PCDH15: variants seen among roughly 807,000 people sequenced by gnomAD.
The protein encoded by PCDH15 is protocadherin-15.
In PCDH15, 129 loss-of-function variants were observed where a neutral mutation model predicts 178.5. The observed-to-expected ratio is 0.72, with a 90% CI of 0.63 to 0.84. The LOEUF is 0.84. Ranked by LOEUF, PCDH15 falls within the 40% of genes least tolerant of loss-of-function variation. The pLI is 0.00. For missense variants in PCDH15, 2,230 were observed against 2,099.9 expected, an observed-to-expected ratio of 1.06 and a Z score of -1.21; for synonymous variants, 800 against 732.0, an observed-to-expected ratio of 1.09 and a Z score of -1.50.
chr10:55,587,800 G>A (rs932416683), intron 2 of PCDH15, among the ~76,000 whole-genome samples: 16 of 152,084 alleles, frequency 1.1e-4, no homozygotes, highest in African/African-American at 3.6e-4. Context: ...CTTGTTAAGA[G>A]GTCGTTTGTT....
chr10:55,615,946 T>C (rs2132164923), intron 2 of PCDH15, among the ~76,000 whole-genome samples: 1 of 152,106 alleles, frequency 6.6e-6, no homozygotes, highest in East Asian at 1.9e-4. Flanking sequence ...ATAAAGATGT[T>C]TCTGAAAGTT....
intron 2 of PCDH15, among the ~76,000 whole-genome samples, chr10:55,094,406 G>C (rs777591566): frequency 1.3e-5 from 2 of 152,116 alleles, no homozygotes; most frequent in African/African-American, 4.8e-5. Flanking sequence ...TAGGGGGATG[G>C]GGGAGGGATA....
intron 9 of PCDH15, among the ~76,000 whole-genome samples, chr10:54,235,867 A>G (rs2054579026): frequency 6.6e-6 from 1 of 152,206 alleles, no homozygotes; most frequent in South Asian, 2.1e-4. Context: ...AGTTTTTTAC[A>G]AATATAAAAG....
At chr10:54,046,577 A>G (rs894339655) in intron 18 of PCDH15, among the ~76,000 whole-genome samples, 2 of 151,550 alleles carry the variant, frequency 1.3e-5, no homozygotes, top group Non-Finnish European at 2.9e-5. Context: ...AAACTAAACT[A>G]TAATGTTTAT....
intron 1 of PCDH15, among the ~76,000 whole-genome samples, chr10:54,743,166 G>A (rs535479616): frequency 6.6e-6 from 1 of 152,096 alleles, no homozygotes; most frequent in Non-Finnish European, 1.5e-5. Flanking sequence ...ATATTTTCCA[G>A]AAGATAAATG....
intron 2 of PCDH15, among the ~76,000 whole-genome samples, chr10:54,940,612 C>A (rs1274531412): frequency 1.3e-5 from 2 of 152,064 alleles, no homozygotes; most frequent in Non-Finnish European, 2.9e-5. Flanking sequence ...CTTGTTCCAT[C>A]TACTGTTGAA....
intron 2 of PCDH15, among the ~76,000 whole-genome samples, chr10:55,581,850 T>C (rs977828599): frequency 1.1e-4 from 16 of 152,082 alleles, no homozygotes; most frequent in Admixed American, 7.2e-4. Flanking sequence ...GCAATTTTTT[T>C]TTGGAAGGAG....
intron 2 of PCDH15, among the ~76,000 whole-genome samples, chr10:54,974,114 CACAT>C (rs1434897970): frequency 5.9e-5 from 9 of 151,366 alleles, no homozygotes; most frequent in South Asian, 2.1e-4. Context: ...CACACACACA[CACAT>C]ACAGATAATA....
intron 2 of PCDH15, among the ~76,000 whole-genome samples, chr10:55,149,600 TTATGGCTTCATA>T (rs1256973869): frequency 6.6e-6 from 1 of 152,042 alleles, no homozygotes; most frequent in African/African-American, 2.4e-5. Context: ...TCAAATAAAT[TTATGGCTTCATA>T]TACTGAAGGT....
chr10:53,890,633 T>C (rs1192347279), intron 26 of PCDH15, among the ~76,000 whole-genome samples: 1 of 152,130 alleles, frequency 6.6e-6, no homozygotes, highest in Non-Finnish European at 1.5e-5. Flanking sequence ...AAGAGAGAAT[T>C]ATCTTTATAA....
intron 8 of PCDH15, among the ~76,000 whole-genome samples, chr10:54,307,793 T>C (rs151127490): frequency 6.6e-6 from 1 of 152,178 alleles, no homozygotes; most frequent in East Asian, 1.9e-4. Context: ...AATTAGGTCC[T>C]ATCTACATAC....
At chr10:53,809,441 A>T (rs1301011279) in intron 37 of PCDH15, 2 of 1,613,846 alleles carry the variant, frequency 1.2e-6, no homozygotes, top group Non-Finnish European at 1.7e-6. Flanking sequence ...CATGTTGTGT[A>T]TGTAGGCTCA....
At chr10:54,904,635 C>T (rs990156156) in intron 2 of PCDH15, among the ~76,000 whole-genome samples, 1 of 152,084 alleles carries the variant, frequency 6.6e-6, no homozygotes, top group South Asian at 2.1e-4. Context: ...TCTCTCTGTG[C>T]CATCAGAATG....
intron 10 of PCDH15, among the ~76,000 whole-genome samples, chr10:54,202,777 A>C (rs1052983196): frequency 7.0e-6 from 1 of 143,736 alleles, no homozygotes; most frequent in Non-Finnish European, 1.5e-5. Context: ...GCGCCACTAC[A>C]TTCCAGCCTG....
intron 31 of PCDH15, among the ~76,000 whole-genome samples, chr10:53,827,882 T>C (rs1421265839): frequency 2.6e-5 from 4 of 152,188 alleles, no homozygotes; most frequent in African/African-American, 4.8e-5. Context: ...AATGAATCTC[T>C]TTCATAAGAT....
intron 2 of PCDH15, among the ~76,000 whole-genome samples, chr10:55,076,037 TAC>T (rs1382447682): frequency 6.6e-6 from 1 of 152,190 alleles, no homozygotes; most frequent in Non-Finnish European, 1.5e-5. Context: ...TATGTATTTA[TAC>T]AGTTTCCAAG....
chr10:54,940,985 T>G (rs559791821), intron 2 of PCDH15, among the ~76,000 whole-genome samples: 148 of 152,186 alleles, frequency 9.7e-4, no homozygotes, highest in African/African-American at 3.5e-3. Context: ...GCTTTTTGAT[T>G]AGATTGTTTC....
At chr10:55,188,961 AAAAT>A (rs1839872198) in intron 1 of PCDH15, among the ~76,000 whole-genome samples, 1 of 151,954 alleles carries the variant, frequency 6.6e-6, no homozygotes, top group South Asian at 2.1e-4. Flanking sequence ...AACAATTAAA[AAAAT>A]AAAAAAGAGA....
chr10:55,308,154 T>C (rs879349334), intron 1 of PCDH15, among the ~76,000 whole-genome samples: 4 of 152,170 alleles, frequency 2.6e-5, no homozygotes, highest in South Asian at 2.1e-4. Context: ...GGGGAGATTA[T>C]AATGAGACCT....
Sources: allele counts gnomAD v4.1 joint callset (sites outside exome capture counted in the v4.1 genomes callset), GRCh38; gene constraint gnomAD v4.1.1; transcripts MANE v1.5; gene names NCBI Gene and HGNC (gene_info 2026-07-23, HGNC 2026-07-21).